LRP8: variants seen among roughly 807,000 people sequenced by gnomAD.
LRP8 encodes LDL receptor related protein 8, also known as low-density lipoprotein receptor-related protein 8.
LRP8 carries 46 observed loss-of-function variants against 111.6 expected under a neutral mutation model. That is an observed-to-expected ratio of 0.41 (90% CI 0.33 to 0.53). LRP8 has a LOEUF of 0.53. Among genes scored for constraint, LRP8 ranks in the 20% least tolerant of loss-of-function variants. The pLI, the probability that LRP8 is intolerant of heterozygous loss-of-function variation, is 0.20. For synonymous variants in LRP8, 464 were observed against 511.2 expected (o/e 0.91, Z 1.24); for missense variants, 959 against 1,297.4 (o/e 0.74, Z 4.01).
At position 53,293,188 on chromosome 1, in the gene LRP8, G is replaced by C. The variant is rs560622180; in HGVS notation, c.245-3499C>G. ...ATTCTGAAAGCCTGGGGGTGATCTT[G>C]TCCTCCTCCATGTGCCAAGCCCTGG... On this transcript the variant is annotated intron_variant, in intron 2 of 18. Transcript: ENST00000306052. This position sits in a 1 kb window ranked among gnomAD's most constrained non-coding sequence, Gnocchi z 4.9. Among the ~76,000 whole-genome samples, 1 of 152,336 alleles carries C rather than the reference G, an allele frequency of 6.6e-6. No homozygotes were observed. Among genetic ancestry groups the C allele is most frequent in the African/African-American group, 2.4e-5 (1 of 41,578 alleles).
At position 53,327,873 on chromosome 1, in the gene LRP8, G is replaced by GCAC; in HGVS notation, c.39_40insGTG (p.Ala13_Leu14insVal). ...AGCAGCAGCAGCAGCAGCAGCAGCA[G>GCAC]CGCCAGAAGCCGGAGAGGGCCCGGC... On this transcript the variant is annotated inframe_insertion, in exon 1 of 19. Transcript: ENST00000306052. 1 of 1,501,020 alleles carries GCAC rather than the reference G, an allele frequency of 6.7e-7. No homozygotes were observed. The highest frequency in any genetic ancestry group is 8.8e-7 in the Non-Finnish European group (1 of 1,130,224). 93.0% of individuals were successfully genotyped at this position (1,501,020 alleles called of 1,614,324 possible).
At chr1:53,315,224 C>T (rs764048903) in intron 2 of LRP8, among the ~76,000 whole-genome samples, 18 of 152,016 alleles carry the variant, frequency 1.2e-4, no homozygotes, top group African/African-American at 3.1e-4. Flanking sequence ...CAGCCTGGAG[C>T]GGCAGGGGAG....
At chr1:53,298,769 T>A (rs1309435356) in intron 2 of LRP8, among the ~76,000 whole-genome samples, 1 of 152,094 alleles carries the variant, frequency 6.6e-6, no homozygotes. Context: ...GGCTGATGGG[T>A]CCACAGCTCC....
intron 2 of LRP8, among the ~76,000 whole-genome samples, chr1:53,301,573 C>CA (rs1222455008): frequency 6.6e-6 from 1 of 151,552 alleles, no homozygotes; most frequent in East Asian, 1.9e-4. Flanking sequence ...ACAAAAATAC[C>CA]AAAAAAAATT....
At chr1:53,258,130 G>A in intron 14 of LRP8, 189 bp downstream of exon 14, 1 of 461,776 alleles carries the variant, frequency 2.2e-6, no homozygotes, top group South Asian at 4.8e-5. Context: ...GTGAGAAAAA[G>A]CTTTGGAAGG....
At chr1:53,252,099 CTG>C (rs796726314) in intron 16 of LRP8, among the ~76,000 whole-genome samples, 14 of 150,088 alleles carry the variant, frequency 9.3e-5, no homozygotes, top group African/African-American at 3.4e-4. Flanking sequence ...GGAAACCAAA[CTG>C]TTATTAACAG....
At chr1:53,276,345 G>T (rs966738631) in intron 5 of LRP8, among the ~76,000 whole-genome samples, 1 of 151,616 alleles carries the variant, frequency 6.6e-6, no homozygotes. Flanking sequence ...CAGGCCTTGA[G>T]GAATGAGCAG....
intron 2 of LRP8, among the ~76,000 whole-genome samples, chr1:53,302,969 A>T (rs1168526121): frequency 6.6e-6 from 1 of 151,802 alleles, no homozygotes; most frequent in African/African-American, 2.4e-5. Context: ...AACAACCTGT[A>T]TGATTATAGG....
chr1:53,280,729 C>A lies in LRP8; in HGVS notation c.368-14G>T, dbSNP rs766114388. 32 of 1,609,740 alleles carry A rather than the reference C, an allele frequency of 2.0e-5. No individual in the cohort carries two copies. In the African/African-American group the frequency reaches 3.6e-4, roughly 18 times the overall value. On this transcript the variant is annotated splice_polypyrimidine_tract_variant and intron_variant, in intron 3 of 18. Coordinates refer to ENST00000306052, the MANE Select transcript of LRP8 (RefSeq NM_004631.5). ...ACACCTGCTTGGCTGTGGAGACAGA[C>A]GTCCATGCATAGCTTAGCCAAGGGG... is the stretch of plus-strand genomic sequence containing the variant.
rs147876107 is a variant in LRP8 at position 53,301,202 on chromosome 1, G to A, written c.245-11513C>T. Reference sequence around the variant, plus strand: ...CTGAGAACCTTCGGCTCAGAGGTGGGGATCATGGGGGCATTGGGGAACAAG... The same window carrying A: ...CTGAGAACCTTCGGCTCAGAGGTGGAGATCATGGGGGCATTGGGGAACAAG... On this transcript the variant is annotated intron_variant, in intron 2 of 18. Transcript: ENST00000306052. Among the ~76,000 whole-genome samples, 8 of 152,294 alleles carry A rather than the reference G, an allele frequency of 5.3e-5. No homozygotes were observed. In the East Asian group the frequency reaches 1.4e-3, roughly 26 times the overall value.
In LRP8 at chr1:53,275,269, C is replaced by T. The variant is rs1188295707; in HGVS notation, c.1006+362G>A. ...AGAGGGCAGGTGGTGACCAGAAGAA[C>T]CATCTGAGAACTAAAGGGGCTCCCT... On this transcript the variant is annotated intron_variant, in intron 6 of 18. Coordinates refer to ENST00000306052, the MANE Select transcript of LRP8 (RefSeq NM_004631.5). This position sits in a 1 kb window ranked among gnomAD's most constrained non-coding sequence, Gnocchi z 4.4. Among the ~76,000 whole-genome samples the T allele has an allele frequency of 6.6e-6, 1 of 152,158 alleles. No homozygotes were observed. Among genetic ancestry groups the T allele is most frequent in the African/African-American group, 2.4e-5 (1 of 41,428 alleles).
At position 53,309,131 on chromosome 1, in the gene LRP8, T is replaced by C. The variant is rs1267778061; in HGVS notation, c.244+17742A>G. Among the ~76,000 whole-genome samples the C allele has an allele frequency of 2.6e-5, 4 of 152,096 alleles. 1 individual carries two copies. Among genetic ancestry groups the C allele is most frequent in the Admixed American group, 1.3e-4 (2 of 15,266 alleles). On this transcript the variant is annotated intron_variant, in intron 2 of 18. Transcript: ENST00000306052. ...CTCTACTAAAAATACAAAAATTAGC[T>C]GGGCATGGTCGCAGGCGCCTGTAAT...
intron 2 of LRP8, among the ~76,000 whole-genome samples, chr1:53,311,774 A>G (rs1311660804): frequency 6.6e-6 from 1 of 152,190 alleles, no homozygotes; most frequent in Non-Finnish European, 1.5e-5. Flanking sequence ...ACCACACGCC[A>G]CGGCCACAGC....
At chr1:53,327,335 G>A (rs1655274754) in intron 1 of LRP8, 2 of 287,270 alleles carry the variant, frequency 7.0e-6, no homozygotes, top group South Asian at 1.3e-4. Flanking sequence ...GCCAGGCGCA[G>A]TGGGAGCCGC....
chr1:53,316,460 C>G (rs1383164167), intron 2 of LRP8, among the ~76,000 whole-genome samples: 1 of 152,236 alleles, frequency 6.6e-6, no homozygotes, highest in Admixed American at 6.5e-5. Flanking sequence ...TAGATGTAGG[C>G]TCTGCTAATA....
chr1:53,254,404 C>G (rs1646002238), intron 16 of LRP8, among the ~76,000 whole-genome samples: 2 of 151,894 alleles, frequency 1.3e-5, no homozygotes, highest in Non-Finnish European at 2.9e-5. Context: ...CTTGGCTGAC[C>G]CAGCTCAAAT....
At chr1:53,272,431 C>T (rs540183805) in intron 6 of LRP8, among the ~76,000 whole-genome samples, 1 of 152,268 alleles carries the variant, frequency 6.6e-6, no homozygotes, top group South Asian at 2.1e-4. Flanking sequence ...CGCCCCTCTC[C>T]CCCTCTGCCC....
chr1:53,327,635 G>A (rs1056458005), intron 1 of LRP8, among the ~76,000 whole-genome samples, 154 bp downstream of exon 1: 1 of 152,176 alleles, frequency 6.6e-6, no homozygotes, highest in Non-Finnish European at 1.5e-5. Context: ...GGGGCCGAGG[G>A]CAAATTCAGG....
At chr1:53,264,719 G>T (rs956006080) in intron 9 of LRP8, among the ~76,000 whole-genome samples, 1 of 152,148 alleles carries the variant, frequency 6.6e-6, no homozygotes, top group Non-Finnish European at 1.5e-5. Context: ...CCGAGAGGGC[G>T]GGAGAAGGCT....
Sources: allele counts gnomAD v4.1 joint callset (sites outside exome capture counted in the v4.1 genomes callset), GRCh38; gene constraint gnomAD v4.1.1; non-coding constraint Gnocchi (gnomAD v3.1); transcripts MANE v1.5; gene names NCBI Gene and HGNC (gene_info 2026-07-23, HGNC 2026-07-21).